The following CCDC149 variants were observed in gnomAD, a reference collection of about 807,000 sequenced individuals.
The protein encoded by CCDC149 is coiled-coil domain containing 149.
A neutral mutation model predicts 59.9 loss-of-function variants in CCDC149; 45 were observed. The observed-to-expected ratio is 0.75, with a 90% CI of 0.59 to 0.96. The LOEUF is 0.96. Ranked by LOEUF, CCDC149 falls within the 40% of genes least tolerant of loss-of-function variation. CCDC149 has a pLI of 0.00. For synonymous variants in CCDC149, 245 were observed against 260.6 expected (o/e 0.94, Z 0.58); for missense variants, 584 against 664.7 (o/e 0.88, Z 1.33).
intron 4 of CCDC149, among the ~76,000 whole-genome samples, chr4:24,839,749 C>T (rs1291159806): frequency 2.0e-5 from 3 of 152,178 alleles, no homozygotes; most frequent in Non-Finnish European, 2.9e-5. Flanking sequence ...CATCACAACT[C>T]CAAGGATTGC....
intron 4 of CCDC149, among the ~76,000 whole-genome samples, chr4:24,844,034 TTCAGGTCAGA>T (rs1332966554): frequency 6.6e-6 from 1 of 152,144 alleles, no homozygotes; most frequent in Non-Finnish European, 1.5e-5. Flanking sequence ...TTTTGTCTCA[TTCAGGTCAGA>T]TCAAATCTCC....
intron 1 of CCDC149, among the ~76,000 whole-genome samples, chr4:24,896,544 A>T (rs1015081212): frequency 2.6e-5 from 4 of 152,104 alleles, no homozygotes; most frequent in African/African-American, 4.8e-5. Flanking sequence ...GCTATAATAC[A>T]GGTCAGATCC....
intron 1 of CCDC149, among the ~76,000 whole-genome samples, chr4:24,979,553 T>A (rs1468809566): frequency 6.6e-6 from 1 of 152,258 alleles, no homozygotes; most frequent in East Asian, 1.9e-4. Flanking sequence ...TAAACTGGTT[T>A]GAGTTTTCTG....
At chr4:24,825,760 A>G (rs1468393588) in intron 9 of CCDC149, among the ~76,000 whole-genome samples, 3 of 151,378 alleles carry the variant, frequency 2.0e-5, no homozygotes, top group Non-Finnish European at 4.4e-5. Context: ...GCGACAGAGC[A>G]AGACTCCGTC....
intron 3 of CCDC149, among the ~76,000 whole-genome samples, chr4:24,860,482 A>C (rs937117996): frequency 6.6e-6 from 1 of 152,248 alleles, no homozygotes; most frequent in Non-Finnish European, 1.5e-5. Flanking sequence ...ACCTGAAACC[A>C]CAAAAATTCT....
chr4:24,874,244 G>GTTTTTTTTTTTTTTGTTTT (rs1719242804), intron 2 of CCDC149, among the ~76,000 whole-genome samples: 2 of 87,486 alleles, frequency 2.3e-5, no homozygotes, highest in African/African-American at 1.2e-4. Context: ...TATTAGATTT[G>GTTTTTTTTTTTTTTGTTTT]TTTTTTTTTT....
At chr4:24,838,093 T>G in intron 5 of CCDC149, 63 bp downstream of exon 5, 1 of 1,275,124 alleles carries the variant, frequency 7.8e-7, no homozygotes. Flanking sequence ...CAGTCCACTC[T>G]TGTTTGTGTT....
intron 12 of CCDC149, among the ~76,000 whole-genome samples, chr4:24,812,413 A>G (rs1321262599): frequency 6.6e-6 from 1 of 152,220 alleles, no homozygotes; most frequent in Non-Finnish European, 1.5e-5. Context: ...TCCCAGATCT[A>G]TATCGATGGC....
At chr4:24,946,557 A>T (rs1408599086) in intron 1 of CCDC149, among the ~76,000 whole-genome samples, 1 of 152,226 alleles carries the variant, frequency 6.6e-6, no homozygotes, top group African/African-American at 2.4e-5. Flanking sequence ...GATATTTTTT[A>T]AAATCTTTTT....
At chr4:24,891,137 C>T (rs1431028347) in intron 1 of CCDC149, among the ~76,000 whole-genome samples, 1 of 152,192 alleles carries the variant, frequency 6.6e-6, no homozygotes, top group Non-Finnish European at 1.5e-5. Context: ...CCATAAACTC[C>T]AGATACTACT....
At chr4:24,871,089 A>G (rs1719016014) in intron 3 of CCDC149, among the ~76,000 whole-genome samples, 1 of 152,168 alleles carries the variant, frequency 6.6e-6, no homozygotes, top group Admixed American at 6.6e-5. Context: ...GTTTAGAAAA[A>G]AAGTCAATGA....
At chr4:24,918,924 T>G (rs946890839) in intron 1 of CCDC149, among the ~76,000 whole-genome samples, 1 of 152,200 alleles carries the variant, frequency 6.6e-6, no homozygotes, top group African/African-American at 2.4e-5. Flanking sequence ...CAGTCAAATT[T>G]CTCTTTGTTC....
At chr4:24,977,936 C>A (rs992072071) in intron 1 of CCDC149, among the ~76,000 whole-genome samples, 1 of 152,122 alleles carries the variant, frequency 6.6e-6, no homozygotes, top group African/African-American at 2.4e-5. Context: ...AGTTCAAGTC[C>A]AGCCTGGGTA....
At chr4:24,907,865 C>T (rs750916423) in intron 1 of CCDC149, among the ~76,000 whole-genome samples, 5 of 152,292 alleles carry the variant, frequency 3.3e-5, no homozygotes, top group Non-Finnish European at 7.4e-5. Flanking sequence ...TTCCTTGCCT[C>T]GTCCTAGTTT....
At chr4:24,813,552 T>A (rs1248114786) in intron 12 of CCDC149, among the ~76,000 whole-genome samples, 2 of 140,522 alleles carry the variant, frequency 1.4e-5, no homozygotes, top group African/African-American at 5.6e-5. Context: ...AAATATAATC[T>A]AACAAGTTTG....
chr4:24,834,947 C>T lies in CCDC149; in HGVS notation c.820+1G>A, dbSNP rs2109136527. 1 of 1,609,778 alleles carries T rather than the reference C, an allele frequency of 6.2e-7. No individual in the cohort carries two copies. Among genetic ancestry groups the T allele is most frequent in the East Asian group, 2.2e-5 (1 of 44,856 alleles). ...GTCTCTCCTGGAGCATGATATCCTA[C>T]CTTGCTTTGCAGACAGGACTCCTGT... On this transcript the variant is annotated splice_donor_variant, in intron 8 of 12. Transcript: ENST00000635206. LOFTEE classifies it high-confidence loss of function.
At chr4:24,956,775 C>T (rs1385303987) in intron 1 of CCDC149, among the ~76,000 whole-genome samples, 1 of 152,174 alleles carries the variant, frequency 6.6e-6, no homozygotes, top group East Asian at 1.9e-4. Flanking sequence ...AATCGCCTAC[C>T]ACTAAGAAGG....
chr4:24,912,575 G>C (rs1023841780), intron 1 of CCDC149, among the ~76,000 whole-genome samples: 1 of 152,114 alleles, frequency 6.6e-6, no homozygotes, highest in Non-Finnish European at 1.5e-5. Flanking sequence ...CCCTGCCTTG[G>C]GGGGAAGGCC....
rs1411106179 is a variant in CCDC149, at chr4:24,943,831, A to G, written c.-65+36238T>C. 3.9e-5 allele frequency among the ~76,000 whole-genome samples: 6 copies of G among 152,268 alleles called. No homozygotes were observed. The East Asian group carries it at 1.2e-3, about 29-fold the overall frequency. On this transcript the variant is annotated intron_variant, in intron 1 of 12. Transcript: ENST00000389609. Reference sequence around the variant, plus strand: ...GAAACAATGCTCATCATCACTGGCCATCAGAGAAATGCAAATCAAAACCAC... The same window carrying G: ...GAAACAATGCTCATCATCACTGGCCGTCAGAGAAATGCAAATCAAAACCAC...
Sources: gnomAD v4.1 joint callset for allele counts (sites outside exome capture counted in the v4.1 genomes callset) on GRCh38, gnomAD v4.1.1 for gene constraint, MANE v1.5 for transcripts, NCBI Gene and HGNC (gene_info 2026-07-23, HGNC 2026-07-21) for gene names.